Variants in EXOC3 observed in about 807,000 individuals in gnomAD.
EXOC3 encodes SEC6-like 1.
EXOC3 carries 21 observed loss-of-function variants against 73.7 expected under a neutral mutation model. That is an observed-to-expected ratio of 0.29 (90% CI 0.20 to 0.41). The LOEUF is 0.41. Ranked by LOEUF, EXOC3 falls within the 10% of genes least tolerant of loss-of-function variation. EXOC3 has a pLI of 1.00. For synonymous variants in EXOC3, 410 were observed against 389.1 expected, an observed-to-expected ratio of 1.05 and a Z score of -0.63; for missense variants, 842 against 985.1, an observed-to-expected ratio of 0.85 and a Z score of 1.95.
At chr5:457,234 G>A (rs950099810) in intron 5 of EXOC3, 15 of 546,528 alleles carry the variant, frequency 2.7e-5, no homozygotes, top group African/African-American at 1.3e-4. Flanking sequence ...TGCTGGAGAC[G>A]TGAGCCTGTG....
intron 5 of EXOC3, chr5:457,684 G>C: frequency 5.8e-6 from 3 of 518,582 alleles, no homozygotes; most frequent in Non-Finnish European, 6.9e-6. Context: ...TCTGTACCAA[G>C]GGTTCCAGTT....
At chr5:464,570 C>T (rs1292190537) in intron 10 of EXOC3, 158 bp downstream of exon 10, 4 of 700,064 alleles carry the variant, frequency 5.7e-6, no homozygotes, top group African/African-American at 5.3e-5. Flanking sequence ...ACGCCACCTC[C>T]CTGGGACGGG....
intron 3 of EXOC3, among the ~76,000 whole-genome samples, chr5:450,327 T>G (rs1317366335): frequency 1.3e-5 from 2 of 152,218 alleles, no homozygotes; most frequent in African/African-American, 2.4e-5. Context: ...GTTGTTTAAT[T>G]TCCACAAATT....
intron 2 of EXOC3, among the ~76,000 whole-genome samples, chr5:446,624 G>A (rs528941797): frequency 9.2e-5 from 14 of 152,304 alleles, no homozygotes; most frequent in Middle Eastern, 3.4e-3. Context: ...CGGGGAGGCC[G>A]AGGCAGGCGG....
At chr5:460,001 G>A (rs1737937135) in intron 7 of EXOC3, among the ~76,000 whole-genome samples, 1 of 152,192 alleles carries the variant, frequency 6.6e-6, no homozygotes, top group Non-Finnish European at 1.5e-5. Flanking sequence ...TGCCTAATCT[G>A]TTCTCCCCTG....
In EXOC3 at chr5:443,223, CGGCGGG is replaced by C. The variant is rs1579728176; in HGVS notation, c.-118_-113del. On this transcript the variant is annotated 5_prime_UTR_variant, in exon 1 of 13. Coordinates refer to ENST00000512944, the MANE Select transcript of EXOC3 (RefSeq NM_007277.5). ...GCGGAGGCAGCGAAGGCGGAGGGGGCGGCGGGGGCGGCGGCGGCGGCGGCGGCGGCG... is the reference window on the plus strand; with the variant it reads ...GCGGAGGCAGCGAAGGCGGAGGGGGCGGCGGCGGCGGCGGCGGCGGCGGCG... The C allele has an allele frequency of 4.5e-5, 4 of 88,164 alleles. No individual in the cohort carries two copies. In the South Asian group the frequency reaches 8.5e-4, roughly 19 times the overall value. The allele number at this position is 88,164 out of a possible 1,614,324, so 5.5% of individuals were successfully genotyped here. A position where few individuals can be genotyped will look rare whatever the true frequency, so the allele number is the denominator to read the frequency against.
chr5:448,239 G>T (rs576668613), intron 3 of EXOC3, among the ~76,000 whole-genome samples: 2 of 152,226 alleles, frequency 1.3e-5, no homozygotes, highest in African/African-American at 4.8e-5. Context: ...GGGGCTGAGC[G>T]CCGTGGGGGA....
chr5:456,834 C>A, intron 4 of EXOC3, 55 bp from the exon 5 acceptor site: 1 of 1,322,494 alleles, frequency 7.6e-7, no homozygotes, highest in Non-Finnish European at 1.1e-6. Flanking sequence ...CACACTTGGG[C>A]ATGCTCTTCT....
At chr5:443,400 C>G (rs1289871245) in intron 1 of EXOC3, 110 bp downstream of exon 1, 1 of 152,518 alleles carries the variant, frequency 6.6e-6, no homozygotes, top group Non-Finnish European at 1.5e-5. Context: ...AGGGGGAGGC[C>G]GGACCGGGAC....
intron 7 of EXOC3, among the ~76,000 whole-genome samples, chr5:461,373 G>C (rs1737979146): frequency 6.6e-6 from 1 of 152,186 alleles, no homozygotes; most frequent in South Asian, 2.1e-4. Context: ...CCAGCACTTT[G>C]GGAGGCTGAG....
intron 3 of EXOC3, among the ~76,000 whole-genome samples, chr5:449,847 G>T (rs1318442695): frequency 1.3e-5 from 2 of 152,192 alleles, no homozygotes; most frequent in African/African-American, 4.8e-5. Flanking sequence ...TTAAATCTTT[G>T]AGCAGCTGCC....
chr5:447,664 C>A lies in EXOC3; in HGVS notation c.276C>A (p.Thr92=), dbSNP rs72717434. The A allele has an allele frequency of 0.017, 27,553 of 1,589,428 alleles. 279 individuals carry two copies. The highest frequency in any genetic ancestry group is 0.02 in the Middle Eastern group (121 of 6,036). The stretch of plus-strand genomic sequence containing the variant: ...AGGACTGGAGGCAGAGCATCAACAC[C>A]ATTGAGAGCCTCAAGGACGTCAAAG... ...VSKDWRQSIN[T]IESLKDVKDA... Residue 92 remains threonine (T), a synonymous_variant, in exon 3 of 13, where the codon ACC becomes ACA. Coordinates refer to ENST00000512944, the MANE Select transcript of EXOC3 (RefSeq NM_007277.5).
chr5:447,110 C>T (rs1354966193), intron 2 of EXOC3: 6 of 158,432 alleles, frequency 3.8e-5, no homozygotes, highest in East Asian at 1.9e-4. Context: ...GGAACTCCCC[C>T]ACCCCAAGCC....
At chr5:444,147 T>G (rs1052913189) in intron 1 of EXOC3, among the ~76,000 whole-genome samples, 5 of 152,226 alleles carry the variant, frequency 3.3e-5, no homozygotes, top group African/African-American at 1.2e-4. Context: ...GCGGAGAGGC[T>G]CACAGCGGAG....
At chr5:464,435 C>A (rs1372521987) in intron 10 of EXOC3, 23 bp downstream of exon 10, 4 of 1,611,148 alleles carry the variant, frequency 2.5e-6, no homozygotes, top group East Asian at 2.2e-5. Context: ...GACCTAGTTC[C>A]CTCATCACCT....
chr5:456,783 C>T (rs150441418), intron 4 of EXOC3, 106 bp from the exon 5 acceptor site: 7 of 863,332 alleles, frequency 8.1e-6, no homozygotes, highest in Non-Finnish European at 9.5e-6. Flanking sequence ...AGGAAGTCTC[C>T]AGGGTGGTGG....
At chr5:445,793 G>T (rs1275928178) in intron 1 of EXOC3, among the ~76,000 whole-genome samples, 1 of 152,168 alleles carries the variant, frequency 6.6e-6, no homozygotes, top group Non-Finnish European at 1.5e-5. Flanking sequence ...CCTGGCCAAG[G>T]TGCTGGGGGA....
At chr5:446,389 T>C in intron 2 of EXOC3, 40 bp downstream of exon 2, 2 of 1,523,882 alleles carry the variant, frequency 1.3e-6, no homozygotes, top group South Asian at 1.3e-5. Context: ...TGTCTTGGGC[T>C]TCAGGTTCTT....
At position 462,057 on chromosome 5, in the gene EXOC3, T is replaced by C; in HGVS notation, c.1489T>C (p.Cys497Arg). The C allele has an allele frequency of 1.2e-6, 2 of 1,610,616 alleles. No homozygotes were observed. Among genetic ancestry groups the C allele is most frequent in the Non-Finnish European group, 1.7e-6 (2 of 1,178,302 alleles). ...VQYMIAIINN[C>R]QTFKESIVSL... The stretch of plus-strand genomic sequence containing the variant: ...GTACATGATCGCCATCATCAACAAC[T>C]GCCAGACCTTCAAGTGAGTGTGGCC... The change falls in exon 8 of 13, where the codon TGC (cysteine) becomes CGC (arginine). Residue 497 changes from cysteine (C) to arginine (R), a missense_variant. Cys to Arg is a radical substitution (Grantham distance 180). Coordinates refer to ENST00000512944, the MANE Select transcript of EXOC3 (RefSeq NM_007277.5).
Sources: gnomAD v4.1 joint callset for allele counts (sites outside exome capture counted in the v4.1 genomes callset) on GRCh38, gnomAD v4.1.1 for gene constraint, MANE v1.5 for transcripts, NCBI Gene and HGNC (gene_info 2026-07-23, HGNC 2026-07-21) for gene names.